Variants in CTNNA2 observed in about 807,000 individuals in gnomAD.
The protein encoded by CTNNA2 is catenin alpha 2, also known as catenin alpha-2.
CTNNA2 carries 42 observed loss-of-function variants against 101.0 expected under a neutral mutation model. The observed-to-expected ratio is 0.42, with a 90% CI of 0.32 to 0.54. The LOEUF (loss-of-function observed/expected upper bound fraction) is 0.54, where lower values mean the gene tolerates loss of function less well. Ranked by LOEUF, CTNNA2 falls within the 20% of genes least tolerant of loss-of-function variation. The pLI, the probability that CTNNA2 is intolerant of heterozygous loss-of-function variation, is 0.14. For synonymous variants in CTNNA2, 450 were observed against 456.4 expected (o/e 0.99, Z 0.18); for missense variants, 871 against 1,223.1 (o/e 0.71, Z 4.29).
At chr2:80,580,780 C>A (rs922398503) in intron 13 of CTNNA2, among the ~76,000 whole-genome samples, 1 of 152,074 alleles carries the variant, frequency 6.6e-6, no homozygotes, top group Non-Finnish European at 1.5e-5. Flanking sequence ...TTTGGGAGGC[C>A]AATGCGGGCA....
intron 7 of CTNNA2, among the ~76,000 whole-genome samples, chr2:80,124,979 A>C (rs967160658): frequency 6.6e-6 from 1 of 152,198 alleles, no homozygotes; most frequent in African/African-American, 2.4e-5. Context: ...AGCATGGCCT[A>C]TTCAAGGGAC....
At chr2:79,450,519 C>T (rs990540354) in intron 4 of CTNNA2, among the ~76,000 whole-genome samples, 1 of 151,998 alleles carries the variant, frequency 6.6e-6, no homozygotes, top group Non-Finnish European at 1.5e-5. Context: ...TAAAACTGTT[C>T]CATAAGATAG....
intron 18 of CTNNA2, 110 bp from the exon 19 acceptor site, chr2:80,647,475 C>A: frequency 2.1e-6 from 2 of 969,010 alleles, no homozygotes; most frequent in Non-Finnish European, 3.0e-6. Flanking sequence ...TTCAGCAATA[C>A]TATTTATTTG....
intron 7 of CTNNA2, among the ~76,000 whole-genome samples, chr2:80,319,533 C>T (rs1051692698): frequency 2.6e-5 from 4 of 152,180 alleles, no homozygotes; most frequent in African/African-American, 9.7e-5. Flanking sequence ...ATTCAACCAA[C>T]ATGGAGAACA....
chr2:79,759,264 G>A (rs916555149), intron 3 of CTNNA2, among the ~76,000 whole-genome samples: 5 of 152,026 alleles, frequency 3.3e-5, no homozygotes, highest in Admixed American at 6.6e-5. Context: ...ACGATGATGC[G>A]CGTCTGTAAT....
At chr2:79,566,913 G>A (rs1002959598) in intron 1 of CTNNA2, among the ~76,000 whole-genome samples, 5 of 151,880 alleles carry the variant, frequency 3.3e-5, no homozygotes, top group East Asian at 1.9e-4. Context: ...AAACAGATAT[G>A]GCATCTTTAT....
At chr2:80,345,895 A>G (rs897714345) in intron 7 of CTNNA2, among the ~76,000 whole-genome samples, 2 of 152,232 alleles carry the variant, frequency 1.3e-5, no homozygotes, top group Non-Finnish European at 1.5e-5. Flanking sequence ...GAGGCAAAGT[A>G]TAAAGCCAAA....
intron 4 of CTNNA2, among the ~76,000 whole-genome samples, chr2:79,381,007 A>G (rs1018935706): frequency 6.6e-6 from 1 of 152,184 alleles, no homozygotes; most frequent in Non-Finnish European, 1.5e-5. Flanking sequence ...TAAGCACTGA[A>G]GTTCGTTGAT....
At chr2:79,911,280 T>C (rs1444403180) in intron 7 of CTNNA2, among the ~76,000 whole-genome samples, 1 of 152,240 alleles carries the variant, frequency 6.6e-6, no homozygotes, top group Non-Finnish European at 1.5e-5. Context: ...AAAGGGCTAA[T>C]TACATGGATG....
At chr2:80,364,874 C>T (rs925804781) in intron 7 of CTNNA2, among the ~76,000 whole-genome samples, 2 of 151,960 alleles carry the variant, frequency 1.3e-5, no homozygotes, top group Non-Finnish European at 2.9e-5. Flanking sequence ...GGAAAGATTC[C>T]CTTGATATGT....
intron 3 of CTNNA2, among the ~76,000 whole-genome samples, chr2:79,806,837 G>C (rs1309811336): frequency 2.0e-5 from 3 of 151,826 alleles, no homozygotes; most frequent in Non-Finnish European, 4.4e-5. Flanking sequence ...TATCCCCCAC[G>C]TGCCTCATAT....
At chr2:80,041,221 T>G (rs907384644) in intron 7 of CTNNA2, among the ~76,000 whole-genome samples, 5 of 152,090 alleles carry the variant, frequency 3.3e-5, no homozygotes, top group African/African-American at 1.2e-4. Context: ...GTACTTTCAT[T>G]TTTTTATAAT....
chr2:79,465,044 A>C (rs1185416186), intron 4 of CTNNA2, among the ~76,000 whole-genome samples: 1 of 152,174 alleles, frequency 6.6e-6, no homozygotes, highest in Non-Finnish European at 1.5e-5. Flanking sequence ...TGTTTTGGAC[A>C]TGAAGTCCTT....
rs1700747840 is a variant in CTNNA2 at position 80,104,401 on chromosome 2, G to A, written c.1056+194604G>A. ...GAGAACAAATCCAAACAGCAAAAAG[G>A]AGCAGCCTACAGGGAAGCCCCTATT... is the stretch of plus-strand genomic sequence containing the variant. On this transcript the variant is annotated intron_variant, in intron 7 of 18. Transcript: ENST00000402739. Among the ~76,000 whole-genome samples the A allele has an allele frequency of 2.0e-5, 3 of 152,302 alleles. No individual in the cohort carries two copies. In the South Asian group the frequency reaches 6.2e-4, roughly 32 times the overall value.
chr2:79,678,574 C>T (rs1034512214), intron 2 of CTNNA2, among the ~76,000 whole-genome samples: 3 of 151,940 alleles, frequency 2.0e-5, no homozygotes, highest in East Asian at 1.9e-4. Flanking sequence ...GTCTCTATCC[C>T]CATAGTTTCT....
At chr2:80,634,904 G>A (rs976532370) in intron 18 of CTNNA2, among the ~76,000 whole-genome samples, 18 of 152,140 alleles carry the variant, frequency 1.2e-4, no homozygotes, top group Admixed American at 6.6e-5. Flanking sequence ...CTGAGATGAA[G>A]AGGCATGCAC....
chr2:79,538,631 C>T (rs1673218746), intron 1 of CTNNA2, among the ~76,000 whole-genome samples: 1 of 152,114 alleles, frequency 6.6e-6, no homozygotes, highest in Non-Finnish European at 1.5e-5. Flanking sequence ...GAATGGAGAG[C>T]ATGACCCAAA....
intron 7 of CTNNA2, among the ~76,000 whole-genome samples, chr2:80,116,603 C>T (rs2148870286): frequency 6.6e-6 from 1 of 152,136 alleles, no homozygotes; most frequent in East Asian, 1.9e-4. Flanking sequence ...ATTATGAGAA[C>T]TTGGGATAAG....
Position 80,355,735 on chromosome 2 carries a change from C to T in CTNNA2, c.1057-37476C>T, listed in dbSNP as rs74738783. 3.5e-3 allele frequency among the ~76,000 whole-genome samples: 530 copies of T among 152,164 alleles called. 5 individuals are homozygous for T. The highest frequency in any genetic ancestry group is 0.012 in the African/African-American group (503 of 41,528). On this transcript the variant is annotated intron_variant, in intron 7 of 18. Transcript: ENST00000402739. ...TGATGAACTTTTCTATTTTTGTTCC[C>T]ATTGGACAACTTTTTCTTTCTTTCT...
Sources: gnomAD v4.1 joint callset for allele counts (sites outside exome capture counted in the v4.1 genomes callset) on GRCh38, gnomAD v4.1.1 for gene constraint, MANE v1.5 for transcripts, NCBI Gene and HGNC (gene_info 2026-07-23, HGNC 2026-07-21) for gene names.